AGK: variants seen among roughly 807,000 people sequenced by gnomAD.
AGK encodes the protein acylglycerol kinase.
Under a neutral mutation model 66.4 loss-of-function variants are expected in AGK, and 52 were observed. The ratio of observed to expected loss-of-function variants is 0.78; its 90% CI spans 0.63 to 0.99. The LOEUF (loss-of-function observed/expected upper bound fraction) is 0.99, where lower values mean the gene tolerates loss of function less well. Among genes scored for constraint, AGK ranks in the 50% least tolerant of loss-of-function variants. AGK has a pLI of 0.00. For synonymous variants in AGK, 182 were observed against 181.1 expected, an observed-to-expected ratio of 1.00 and a Z score of -0.04; for missense variants, 451 against 506.6, an observed-to-expected ratio of 0.89 and a Z score of 1.05.
intron 13 of AGK, among the ~76,000 whole-genome samples, chr7:141,646,533 A>G (rs2117022810): frequency 6.6e-6 from 1 of 152,350 alleles, no homozygotes; most frequent in East Asian, 1.9e-4. Flanking sequence ...GTTTCTTTCT[A>G]GGTAACTTAA....
intron 9 of AGK, among the ~76,000 whole-genome samples, chr7:141,624,529 A>G (rs1796894635): frequency 6.6e-6 from 1 of 152,212 alleles, no homozygotes; most frequent in African/African-American, 2.4e-5. Flanking sequence ...GTTGATTCCA[A>G]CCCTCATGGA....
chr7:141,564,396 CATG>C (rs748185255), intron 2 of AGK, among the ~76,000 whole-genome samples: 2 of 152,156 alleles, frequency 1.3e-5, no homozygotes, highest in African/African-American at 2.4e-5. Flanking sequence ...TCCTCCTTCA[CATG>C]ATGACAGCAA....
intron 2 of AGK, among the ~76,000 whole-genome samples, chr7:141,576,705 A>T (rs1359139338): frequency 6.6e-6 from 1 of 151,804 alleles, no homozygotes; most frequent in Non-Finnish European, 1.5e-5. Context: ...TGACATAGTG[A>T]TTCTTTGAAG....
At chr7:141,613,367 C>T (rs1796637277) in intron 6 of AGK, among the ~76,000 whole-genome samples, 1 of 152,064 alleles carries the variant, frequency 6.6e-6, no homozygotes, top group South Asian at 2.1e-4. Flanking sequence ...GCCTGTAATC[C>T]CAGCACTTTG....
chr7:141,646,669 G>GA (rs946494382), intron 13 of AGK, among the ~76,000 whole-genome samples: 2 of 151,978 alleles, frequency 1.3e-5, no homozygotes, highest in East Asian at 1.9e-4. Context: ...TTAAATCATT[G>GA]AAAAAAATCA....
intron 8 of AGK, among the ~76,000 whole-genome samples, chr7:141,619,543 A>G (rs1209291731): frequency 6.6e-6 from 1 of 152,170 alleles, no homozygotes; most frequent in African/African-American, 2.4e-5. Context: ...TTAGCATCAA[A>G]TGGATTGTAA....
chr7:141,586,784 T>C (rs1339167591), intron 2 of AGK, among the ~76,000 whole-genome samples: 1 of 152,210 alleles, frequency 6.6e-6, no homozygotes, highest in African/African-American at 2.4e-5. Context: ...AAATTTTTCC[T>C]CAGTTATCTA....
chr7:141,592,224 T>C (rs1382115004), intron 2 of AGK, among the ~76,000 whole-genome samples: 1 of 152,172 alleles, frequency 6.6e-6, no homozygotes, highest in African/African-American at 2.4e-5. Flanking sequence ...CCAAAGCAGC[T>C]CTCACTGGGC....
intron 13 of AGK, 31 bp from the exon 14 acceptor site, chr7:141,649,232 G>C (rs1164635438): frequency 3.3e-6 from 5 of 1,534,014 alleles, no homozygotes; most frequent in Non-Finnish European, 4.5e-6. Flanking sequence ...AATTTTAAGA[G>C]TAATGACGTT....
At chr7:141,605,244 T>G (rs1796431861) in intron 5 of AGK, among the ~76,000 whole-genome samples, 1 of 152,220 alleles carries the variant, frequency 6.6e-6, no homozygotes, top group Admixed American at 6.5e-5. Context: ...GCACCAAATT[T>G]CAGAACACGA....
intron 13 of AGK, among the ~76,000 whole-genome samples, chr7:141,647,715 G>A (rs573560287): frequency 6.6e-6 from 1 of 152,216 alleles, no homozygotes; most frequent in Non-Finnish European, 1.5e-5. Flanking sequence ...TTGTCACCCA[G>A]GCTGGAGTGC....
At chr7:141,630,950 T>C (rs1164139781) in intron 9 of AGK, among the ~76,000 whole-genome samples, 4 of 152,182 alleles carry the variant, frequency 2.6e-5, no homozygotes, top group Non-Finnish European at 4.4e-5. Flanking sequence ...GTGTTCACCA[T>C]TGTGTCCTCA....
chr7:141,552,647 A>G (rs1795118906), intron 1 of AGK, among the ~76,000 whole-genome samples: 2 of 152,230 alleles, frequency 1.3e-5, no homozygotes, highest in Non-Finnish European at 2.9e-5. Flanking sequence ...ACTCGTTGGC[A>G]TTAGAGGAAA....
Position 141,625,131 on chromosome 7 carries a change from C to CT in AGK, c.588+3337dup, listed in dbSNP as rs559108278. Among the ~76,000 whole-genome samples the CT allele has an allele frequency of 1.2e-4, 19 of 152,116 alleles. No individual in the cohort carries two copies. The East Asian group carries it at 2.9e-3, about 23-fold the overall frequency. On this transcript the variant is annotated intron_variant, in intron 9 of 15. Coordinates refer to ENST00000649286, the MANE Select transcript of AGK (RefSeq NM_018238.4). Reference sequence around the variant, plus strand: ...CATTTTTTTTAAGTTAAGGTGCATACTTTTTTTGACATAATGCTGTTGCAC... The same window carrying CT: ...CATTTTTTTTAAGTTAAGGTGCATACTTTTTTTTGACATAATGCTGTTGCAC...
At chr7:141,616,523 G>A (rs1277322580) in intron 8 of AGK, among the ~76,000 whole-genome samples, 1 of 151,700 alleles carries the variant, frequency 6.6e-6, no homozygotes, top group Non-Finnish European at 1.5e-5. Flanking sequence ...TTTTGCTATT[G>A]TAATGTTAGG....
At chr7:141,576,666 G>A (rs1458197558) in intron 2 of AGK, among the ~76,000 whole-genome samples, 2 of 150,656 alleles carry the variant, frequency 1.3e-5, no homozygotes, top group African/African-American at 4.9e-5. Context: ...TTAAAATGGA[G>A]AATCAAAGAA....
At chr7:141,561,982 G>C in intron 2 of AGK, 1 of 452,450 alleles carries the variant, frequency 2.2e-6, no homozygotes, top group Admixed American at 2.4e-5. Flanking sequence ...CTGGTGCTGG[G>C]GAATGTCTGA....
chr7:141,569,184 T>C (rs983839363), intron 2 of AGK, among the ~76,000 whole-genome samples: 2 of 152,194 alleles, frequency 1.3e-5, no homozygotes, highest in Non-Finnish European at 2.9e-5. Context: ...TAAATGGTTA[T>C]GAGTTTGCCT....
At chr7:141,586,245 T>C (rs1352759735) in intron 2 of AGK, among the ~76,000 whole-genome samples, 1 of 152,176 alleles carries the variant, frequency 6.6e-6, no homozygotes, top group Non-Finnish European at 1.5e-5. Context: ...GTAACGTTTT[T>C]GTGCGTTTGG....
Sources: gnomAD v4.1 joint callset for allele counts (sites outside exome capture counted in the v4.1 genomes callset) on GRCh38, gnomAD v4.1.1 for gene constraint, MANE v1.5 for transcripts, NCBI Gene and HGNC (gene_info 2026-07-23, HGNC 2026-07-21) for gene names.